Variants in OBSL1 observed in about 807,000 individuals in gnomAD.
The protein encoded by OBSL1 is obscurin-like protein 1.
Under a neutral mutation model 172.0 loss-of-function variants are expected in OBSL1, and 160 were observed. That is an observed-to-expected ratio of 0.93 (90% CI 0.82 to 1.06). OBSL1 has a LOEUF of 1.06. Ranked by LOEUF, OBSL1 falls within the 50% of genes least tolerant of loss-of-function variation. The probability of loss-of-function intolerance (pLI) is 0.00; values close to 1 mark genes in which losing one functional copy is unlikely to be tolerated. For missense variants in OBSL1, 2,681 were observed against 2,715.4 expected (o/e 0.99, Z 0.28); for synonymous variants, 1,200 against 1,196.3 (o/e 1.00, Z -0.06).
chr2:219,547,798 G>A (rs1695422512), downstream of OBSL1: 2 of 1,592,334 alleles, frequency 1.3e-6, no homozygotes, highest in East Asian at 2.2e-5. Context: ...TGGGGCTGTT[G>A]CTGGGGGGCG....
Position 219,571,278 on chromosome 2 carries a change from G to GA in OBSL1, c.-47_-46insT. Reference sequence around the variant, plus strand: ...AGCGGCGAACGGTGGGGGGGCAGGGGGGGGTGCGGAGGGCGAGCCGAGGCC... The same window carrying GA: ...AGCGGCGAACGGTGGGGGGGCAGGGGAGGGGTGCGGAGGGCGAGCCGAGGCC... On this transcript the variant is annotated 5_prime_UTR_variant, in exon 1 of 21. Transcript: ENST00000404537. 1 of 1,086,638 alleles carries GA rather than the reference G, an allele frequency of 9.2e-7. No individual in the cohort carries two copies. Among genetic ancestry groups the GA allele is most frequent in the East Asian group, 3.3e-5 (1 of 30,314 alleles). 67.3% of individuals were successfully genotyped at this position (1,086,638 alleles called of 1,614,324 possible). A position where few individuals can be genotyped will look rare whatever the true frequency, so the allele number is the denominator to read the frequency against.
At position 219,563,351 on chromosome 2, in the gene OBSL1, C is replaced by T; in HGVS notation, c.2680+4G>A. ...GTGCCTCCGAGGCCCACCTGGCCCC[C>T]CACCTGTGATGGTGACAGTGAAGTA... is the stretch of plus-strand genomic sequence containing the variant. On this transcript the variant is annotated splice_donor_region_variant and intron_variant, in intron 7 of 20. Coordinates refer to ENST00000404537, the MANE Select transcript of OBSL1 (RefSeq NM_015311.3). 1.3e-6 allele frequency: 2 copies of T among 1,555,470 alleles called. No individual in the cohort carries two copies. Among genetic ancestry groups the T allele is most frequent in the Non-Finnish European group, 1.7e-6 (2 of 1,145,986 alleles).
chr2:219,565,210 C>T lies in OBSL1; in HGVS notation c.2407+32G>A, dbSNP rs1240543077. 3.2e-6 allele frequency: 5 copies of T among 1,577,158 alleles called. No homozygotes were observed. In the South Asian group the frequency reaches 4.6e-5, roughly 15 times the overall value. On this transcript the variant is annotated intron_variant, in intron 6 of 20. Coordinates refer to ENST00000404537, the MANE Select transcript of OBSL1 (RefSeq NM_015311.3). ...TATGCGGCCCCACAATCAGCCTTGG[C>T]TGGAGGAGCCCAGGCTGGCATGCTT...
At chr2:219,556,360 G>A (rs1035965337) in intron 13 of OBSL1, 68 bp from the exon 14 acceptor site, 126 of 1,577,584 alleles carry the variant, frequency 8.0e-5, no homozygotes, top group Non-Finnish European at 1.1e-4. Flanking sequence ...CCATCCCACT[G>A]GTCTGTCCCT....
chr2:219,549,417 G>C (rs953794928), downstream of OBSL1: 5 of 1,551,308 alleles, frequency 3.2e-6, no homozygotes, highest in Admixed American at 9.6e-5. Flanking sequence ...TTCCAAACAG[G>C]ACTGGGCTTT....
At position 219,568,769 on chromosome 2, in the gene OBSL1, G is replaced by C. The variant is rs999716553; in HGVS notation, c.1013-445C>G. Among the ~76,000 whole-genome samples the C allele has an allele frequency of 6.6e-6, 1 of 151,448 alleles. No individual in the cohort carries two copies. The highest frequency in any genetic ancestry group is 2.4e-5 in the African/African-American group (1 of 41,226). ...TTTAACTCTTTTTTTTTTTGAGATG[G>C]AGTCTCGCTCTGTTGCCCAGGCTGG... On this transcript the variant is annotated intron_variant, in intron 1 of 20. Transcript: ENST00000404537. This position sits in a 1 kb window ranked among gnomAD's most constrained non-coding sequence, Gnocchi z 4.1.
In OBSL1 at chr2:219,554,630, G is replaced by A. The variant is rs375171800; in HGVS notation, c.4720C>T (p.Arg1574Trp). 187 of 1,611,626 alleles carry A rather than the reference G, an allele frequency of 1.2e-4. No homozygotes were observed. Among genetic ancestry groups the A allele is most frequent in the Middle Eastern group, 5.0e-4 (3 of 6,054 alleles). The change falls in exon 15 of 21, where the codon CGG becomes TGG. Residue 1574 changes from arginine (R) to tryptophan (W), a missense_variant. Arg to Trp is a moderately radical substitution (Grantham distance 101). Coordinates refer to ENST00000404537, the MANE Select transcript of OBSL1 (RefSeq NM_015311.3). Reference sequence around the variant, plus strand: ...CCTGGATACAGCTGTACTCCACCCCGGGCCCACTCCCCGGTCACACCTTCC... The same window carrying A: ...CCTGGATACAGCTGTACTCCACCCCAGGCCCACTCCCCGGTCACACCTTCC... Reference protein sequence around the residue: ...SQEGVTGEWARGGVQLYPGPK... With the variant: ...SQEGVTGEWAWGGVQLYPGPK...
In OBSL1 at chr2:219,552,544, C is replaced by T. The variant is rs59332477; in HGVS notation, c.5300G>A (p.Arg1767Gln). The change falls in exon 18 of 21, where the codon CGA becomes CAA. Residue 1767 changes from arginine (R) to glutamine (Q), a missense_variant. Physicochemically the swap from Arg to Gln is conservative, Grantham distance 43 (BLOSUM62 1). Around this residue, in one of 5 missense-constraint regions of OBSL1, gnomAD observed 1,765 missense variants for 1,748.3 expected, o/e 1.01. Transcript: ENST00000404537. ...TAACCAGGCGGGCAGACCTTCCTGTCGGATGCGGACGCGGGCTCCGGGTCT... is the reference window on the plus strand; with the variant it reads ...TAACCAGGCGGGCAGACCTTCCTGTTGGATGCGGACGCGGGCTCCGGGTCT... The part of the protein sequence containing the change: ...PLRPGARVRI[R>Q]QEGKKHILVL... 0.45 allele frequency: 709,582 copies of T among 1,594,548 alleles called. 161,184 individuals carry two copies. The highest frequency in any genetic ancestry group is 0.52 in the Admixed American group (31,083 of 59,382).
Position 219,562,585 on chromosome 2 carries a change from G to T in OBSL1, c.2770C>A (p.Arg924=). The change falls in exon 8 of 21, where the codon CGG becomes AGG. Residue 924 remains arginine (R), a synonymous_variant. Transcript: ENST00000404537. The part of the protein sequence containing the change: ...ERVVLTCELC[R]PWAEVRWTKD... ...GTCCAGCGCACCTCTGCCCAGGGCCGGCATAGCTCACAGGTCAGCACCACA... is the reference window on the plus strand; with the variant it reads ...GTCCAGCGCACCTCTGCCCAGGGCCTGCATAGCTCACAGGTCAGCACCACA... 1 of 1,611,960 alleles carries T rather than the reference G, an allele frequency of 6.2e-7. No homozygotes were observed. Among genetic ancestry groups the T allele is most frequent in the Non-Finnish European group, 8.5e-7 (1 of 1,179,192 alleles).
intron 17 of OBSL1, 41 bp downstream of exon 17, chr2:219,552,827 G>T (rs543188667): frequency 1.3e-6 from 2 of 1,538,750 alleles, no homozygotes; most frequent in South Asian, 1.2e-5. Flanking sequence ...CAAGTCTCGC[G>T]CCCAAAGCAG....
downstream of OBSL1, chr2:219,547,562 G>T: frequency 6.8e-7 from 1 of 1,465,784 alleles, no homozygotes. Context: ...TGGCTCGGTG[G>T]TCATCTTCCT....
chr2:219,561,357 G>C (rs951107856), intron 8 of OBSL1, among the ~76,000 whole-genome samples: 2 of 152,026 alleles, frequency 1.3e-5, no homozygotes, highest in African/African-American at 4.8e-5. Context: ...CGAGGTCTCC[G>C]GCACTGAACC....
rs1409246584 is a variant in OBSL1 at position 219,556,139 on chromosome 2, G to T, written c.4490C>A (p.Ser1497Tyr). The change falls in exon 14 of 21, where the codon TCC becomes TAC. Residue 1497 changes from serine (S) to tyrosine (Y), a missense_variant. By Grantham distance (144) the Ser-to-Tyr change is moderately radical. Coordinates refer to ENST00000404537, the MANE Select transcript of OBSL1 (RefSeq NM_015311.3). ...GQPLPHDSRL[S>Y]MAQDGHIHRL... ...GTGGATGTGCCCATCCTGGGCCATGGACAGGCGAGAGTCGTGGGGCAGGGG... is the reference window on the plus strand; with the variant it reads ...GTGGATGTGCCCATCCTGGGCCATGTACAGGCGAGAGTCGTGGGGCAGGGG... The T allele has an allele frequency of 2.5e-6, 4 of 1,613,792 alleles. No homozygotes were observed. Among genetic ancestry groups the T allele is most frequent in the East Asian group, 2.2e-5 (1 of 44,896 alleles).
intron 12 of OBSL1, 46 bp from the exon 13 acceptor site, chr2:219,556,769 T>C: frequency 6.6e-7 from 1 of 1,518,230 alleles, no homozygotes; most frequent in Non-Finnish European, 8.9e-7. Flanking sequence ...TCTTTTCTTC[T>C]CTCTCCTTTT....
Position 219,570,551 on chromosome 2 carries a change from G to A in OBSL1, c.682C>T (p.Gln228Ter). The A allele has an allele frequency of 6.3e-7, 1 of 1,593,994 alleles. No individual in the cohort carries two copies. Among genetic ancestry groups the A allele is most frequent in the Non-Finnish European group, 8.5e-7 (1 of 1,171,558 alleles). The change falls in exon 1 of 21, where the codon CAG (glutamine) becomes TAG (stop). Residue 228 changes from glutamine to a stop codon, truncating the protein, a stop_gained. Coordinates refer to ENST00000404537, the MANE Select transcript of OBSL1 (RefSeq NM_015311.3). LOFTEE classifies it high-confidence loss of function. ...AQAGALLQVHQPPESPPADPD... is the reference protein window; with the variant it reads ...AQAGALLQVH ...TCCGCGGGCGGGCTCTCGGGGGGCTGGTGCACCTGGAGCAGCGCCCCCGCC... is the reference window on the plus strand; with the variant it reads ...TCCGCGGGCGGGCTCTCGGGGGGCTAGTGCACCTGGAGCAGCGCCCCCGCC...
At chr2:219,554,157 TCA>T (rs1324954807) in intron 15 of OBSL1, 3 of 453,650 alleles carry the variant, frequency 6.6e-6, no homozygotes, top group Middle Eastern at 6.0e-4. Flanking sequence ...GCCAGTAGGG[TCA>T]CAGTTAGAGT....
Position 219,570,422 on chromosome 2 carries a change from C to G in OBSL1, c.811G>C (p.Gly271Arg), listed in dbSNP as rs1392282552. The G allele has an allele frequency of 1.2e-6, 2 of 1,613,326 alleles. No individual in the cohort carries two copies. Among genetic ancestry groups the G allele is most frequent in the Admixed American group, 3.3e-5 (2 of 60,010 alleles). The stretch of plus-strand genomic sequence containing the variant: ...CATTCGATCTCGGGCTCGGGCTTGC[C>G]CATCACGTAGCAGCGGAACTTGGCG... ...KHAKFRCYVM[G>R]KPEPEIEWHW... Residue 271 changes from glycine (G) to arginine (R), a missense_variant, in exon 1 of 21, where the codon GGC becomes CGC. Physicochemically the swap from Gly to Arg is moderately radical, Grantham distance 125. Transcript: ENST00000404537.
chr2:219,559,161 G>C lies in OBSL1; in HGVS notation c.3226+64C>G, dbSNP rs1400971331. 14 of 1,481,266 alleles carry C rather than the reference G, an allele frequency of 9.5e-6. No individual in the cohort carries two copies. In the African/African-American group the frequency reaches 1.1e-4, roughly 12 times the overall value. The allele number at this position is 1,481,266 out of a possible 1,614,324, so 91.8% of individuals were successfully genotyped here. ...GATGGGGTGGGGGAGGTGGGGCTAGGTGGGTGTCTGTCCCTTAGCCCCCTA... is the reference window on the plus strand; with the variant it reads ...GATGGGGTGGGGGAGGTGGGGCTAGCTGGGTGTCTGTCCCTTAGCCCCCTA... On this transcript the variant is annotated intron_variant, in intron 9 of 20. Coordinates refer to ENST00000404537, the MANE Select transcript of OBSL1 (RefSeq NM_015311.3).
Position 219,570,581 on chromosome 2 carries a change from C to T in OBSL1, c.652G>A (p.Ala218Thr). Residue 218 changes from alanine (A) to threonine (T), a missense_variant, in exon 1 of 21, where the codon GCG becomes ACG. Ala to Thr is a moderately conservative substitution (Grantham distance 58, BLOSUM62 0). This residue lies in a region of OBSL1 where 706 missense variants were observed against 695.8 expected (regional missense o/e 1.01). Transcript: ENST00000404537. The stretch of plus-strand genomic sequence containing the variant: ...ACCTGGAGCAGCGCCCCCGCCTGCG[C>T]GTGGCCGTGCGCGTTGCGGGCGTGG... ...VCHARNAHGHAQAGALLQVHQ... is the reference protein window; with the variant it reads ...VCHARNAHGHTQAGALLQVHQ... The T allele has an allele frequency of 6.5e-7, 1 of 1,526,860 alleles. No individual in the cohort carries two copies. Among genetic ancestry groups the T allele is most frequent in the South Asian group, 1.2e-5 (1 of 81,136 alleles). The allele number at this position is 1,526,860 out of a possible 1,614,324, so 94.6% of individuals were successfully genotyped here.
Sources: gnomAD v4.1 joint callset for allele counts (sites outside exome capture counted in the v4.1 genomes callset) on GRCh38, gnomAD v4.1.1 for gene constraint, gnomAD v4.1.1 regional missense constraint, Gnocchi (gnomAD v3.1) non-coding constraint, MANE v1.5 for transcripts, NCBI Gene and HGNC (gene_info 2026-07-23, HGNC 2026-07-21) for gene names.